The following NBAS variants were observed in gnomAD, a reference collection of about 807,000 sequenced individuals.
NBAS encodes NAG/BC035112 fusion.
In NBAS, 219 loss-of-function variants were observed where a neutral mutation model predicts 302.5. The ratio of observed to expected loss-of-function variants is 0.72; its 90% CI spans 0.65 to 0.81. The LOEUF is 0.81. Among genes scored for constraint, NBAS ranks in the 30% least tolerant of loss-of-function variants. The probability of loss-of-function intolerance (pLI) is 0.00; values close to 1 mark genes in which losing one functional copy is unlikely to be tolerated. For synonymous variants in NBAS, 1,118 were observed against 1,021.6 expected, an observed-to-expected ratio of 1.09 and a Z score of -1.80; for missense variants, 2,932 against 2,841.6, an observed-to-expected ratio of 1.03 and a Z score of -0.72.
At chr2:15,402,019 C>T (rs1026323664) in intron 26 of NBAS, 149 bp downstream of exon 26, 2 of 771,984 alleles carry the variant, frequency 2.6e-6, no homozygotes, top group African/African-American at 1.7e-5. Context: ...TTATCCTAGG[C>T]AATAGGATTG....
chr2:14,819,203 T>C, the NBAS span, among the ~76,000 whole-genome samples: 3 of 152,250 alleles, frequency 2.0e-5, no homozygotes, highest in Non-Finnish European at 4.4e-5. Context: ...TCCTGGGACA[T>C]ATTAGCTGCT....
At chr2:15,234,518 T>G (rs749968665) in intron 46 of NBAS, 27 bp downstream of exon 46, 9 of 1,609,830 alleles carry the variant, frequency 5.6e-6, no homozygotes, top group Non-Finnish European at 7.6e-6. Context: ...ACCCCAGTTT[T>G]TCCACAATGA....
chr2:14,974,617 A>G, the NBAS span, among the ~76,000 whole-genome samples: 3 of 152,200 alleles, frequency 2.0e-5, no homozygotes, highest in Non-Finnish European at 4.4e-5. Flanking sequence ...CTTCAGGACT[A>G]AAAAGGACCT....
chr2:15,284,089 C>T (rs192350933), intron 42 of NBAS, among the ~76,000 whole-genome samples: 177 of 151,718 alleles, frequency 1.2e-3, no homozygotes, highest in African/African-American at 3.9e-3. Flanking sequence ...TTCATGGCCA[C>T]CCAAAGCCAT....
At chr2:14,970,812 C>T in the NBAS span, among the ~76,000 whole-genome samples, 1 of 152,190 alleles carries the variant, frequency 6.6e-6, no homozygotes, top group Non-Finnish European at 1.5e-5. Context: ...CAGTTTGTTA[C>T]AATCAACCCT....
At chr2:14,793,602 A>C in the NBAS span, among the ~76,000 whole-genome samples, 1 of 152,166 alleles carries the variant, frequency 6.6e-6, no homozygotes, top group African/African-American at 2.4e-5. Context: ...TTGTATCATC[A>C]GAATCTCAGA....
intron 38 of NBAS, among the ~76,000 whole-genome samples, chr2:15,326,153 A>G (rs1672053562): frequency 6.6e-6 from 1 of 152,250 alleles, no homozygotes; most frequent in Non-Finnish European, 1.5e-5. Flanking sequence ...AACAGATACA[A>G]TAATAACGAA....
At chr2:15,353,120 T>G (rs1444362040) in intron 34 of NBAS, among the ~76,000 whole-genome samples, 1 of 152,160 alleles carries the variant, frequency 6.6e-6, no homozygotes, top group Non-Finnish European at 1.5e-5. Context: ...ATCTATTCTG[T>G]GAATTTTAGG....
At chr2:14,986,013 G>A in the NBAS span, among the ~76,000 whole-genome samples, 1 of 152,158 alleles carries the variant, frequency 6.6e-6, no homozygotes, top group East Asian at 1.9e-4. Context: ...AGAGCCACAT[G>A]AGTAGTTGAA....
the NBAS span, among the ~76,000 whole-genome samples, chr2:14,819,407 CTT>C: frequency 2.6e-5 from 4 of 152,194 alleles, no homozygotes; most frequent in East Asian, 7.7e-4. Flanking sequence ...CCAGTTGACT[CTT>C]TTATGTAACA....
chr2:15,038,825 G>GA, the NBAS span, among the ~76,000 whole-genome samples: 2 of 152,224 alleles, frequency 1.3e-5, no homozygotes, highest in African/African-American at 2.4e-5. Context: ...GGCCAGAGAG[G>GA]AAGTGGGATG....
At chr2:15,548,414 G>A (rs1168359027) in intron 6 of NBAS, among the ~76,000 whole-genome samples, 1 of 152,184 alleles carries the variant, frequency 6.6e-6, no homozygotes, top group East Asian at 1.9e-4. Flanking sequence ...GGCTGAGGCA[G>A]GTGGATCACC....
chr2:15,127,624 C>T, the NBAS span, among the ~76,000 whole-genome samples: 4 of 152,198 alleles, frequency 2.6e-5, no homozygotes, highest in African/African-American at 9.7e-5. Context: ...AGACCTAATT[C>T]GACATCTCTA....
chr2:15,315,442 G>T (rs1671464149), intron 38 of NBAS, among the ~76,000 whole-genome samples: 1 of 152,154 alleles, frequency 6.6e-6, no homozygotes, highest in Admixed American at 6.5e-5. Flanking sequence ...TAAAAATGCT[G>T]GGGAAGAAAA....
At chr2:14,934,043 AATC>A in the NBAS span, among the ~76,000 whole-genome samples, 1 of 152,186 alleles carries the variant, frequency 6.6e-6, no homozygotes, top group Non-Finnish European at 1.5e-5. Flanking sequence ...GGTGATAAAT[AATC>A]AAGTGTCCAG....
At chr2:14,898,627 G>A in the NBAS span, among the ~76,000 whole-genome samples, 2 of 152,254 alleles carry the variant, frequency 1.3e-5, no homozygotes, top group South Asian at 4.1e-4. Flanking sequence ...TGTTTTCTTG[G>A]TAGTGAATAA....
chr2:15,302,319 C>G (rs998253046), intron 40 of NBAS, among the ~76,000 whole-genome samples: 1 of 152,216 alleles, frequency 6.6e-6, no homozygotes, highest in African/African-American at 2.4e-5. Flanking sequence ...GGAGAACTAG[C>G]TGACTCATGC....
chr2:14,801,064 A>G, the NBAS span, among the ~76,000 whole-genome samples: 1 of 152,062 alleles, frequency 6.6e-6, no homozygotes, highest in Non-Finnish European at 1.5e-5. Context: ...TACTTCTTTC[A>G]GCATGCATTG....
At chr2:15,027,406 T>C in the NBAS span, among the ~76,000 whole-genome samples, 9 of 150,522 alleles carry the variant, frequency 6.0e-5, no homozygotes, top group African/African-American at 2.2e-4. Context: ...GTGTATACTT[T>C]AGACTTTTCA....
Sources: gnomAD v4.1 joint callset for allele counts (sites outside exome capture counted in the v4.1 genomes callset) on GRCh38, gnomAD v4.1.1 for gene constraint, MANE v1.5 for transcripts, NCBI Gene and HGNC (gene_info 2026-07-23, HGNC 2026-07-21) for gene names.